Variants in CX3CR1 observed in about 807,000 individuals in gnomAD.
The protein encoded by CX3CR1 is CX3C chemokine receptor 1.
For synonymous variants in CX3CR1, 168 were observed against 178.5 expected (o/e 0.94, Z 0.47); for missense variants, 363 against 432.4 (o/e 0.84, Z 1.42).
At chr3:39,284,623 A>G (rs1559372177), upstream of CX3CR1, among the ~76,000 whole-genome samples, 1 of 152,258 alleles carries the variant, frequency 6.6e-6, no homozygotes, top group African/African-American at 2.4e-5. Context: ...AAAGACGTAC[A>G]TCAAGGACTT....
upstream of CX3CR1, chr3:39,280,395 C>T (rs2040882099): frequency 3.0e-6 from 3 of 985,524 alleles, no homozygotes; most frequent in Admixed American, 1.2e-4. Context: ...GCCCAGAGTA[C>T]TCACTGGACC....
At chr3:39,266,548 G>A in intron 1 of CX3CR1, 30 bp from the exon 2 acceptor site, 1 of 1,608,486 alleles carries the variant, frequency 6.2e-7, no homozygotes, top group Non-Finnish European at 8.5e-7. Flanking sequence ...AAGTAACTGT[G>A]TTAGTTATCA....
At chr3:39,272,754 A>G (rs2040793041) in intron 1 of CX3CR1, among the ~76,000 whole-genome samples, 1 of 152,126 alleles carries the variant, frequency 6.6e-6, no homozygotes, top group African/African-American at 2.4e-5. Flanking sequence ...GTACCAAATG[A>G]GAGTAGAGAA....
upstream of CX3CR1, chr3:39,281,689 C>T (rs1261474814): frequency 6.3e-7 from 1 of 1,598,180 alleles, no homozygotes; most frequent in Non-Finnish European, 8.5e-7. Context: ...TCCAGGGGTT[C>T]TCTCATCCTG....
At position 39,265,085 on chromosome 3, in the gene CX3CR1, G is replaced by T. The variant is rs2040676383; in HGVS notation, c.*357C>A. On this transcript the variant is annotated 3_prime_UTR_variant, in exon 2 of 2. Coordinates refer to ENST00000399220, the MANE Select transcript of CX3CR1 (RefSeq NM_001337.4). ...GGAATTCTAGCTTGGCTCAGGCCCT[G>T]GTTTCCCCTCACTTTGAGGGCTCAG... 2 of 185,110 alleles carry T rather than the reference G, an allele frequency of 1.1e-5. No homozygotes were observed. The highest frequency in any genetic ancestry group is 1.2e-4 in the Admixed American group (2 of 17,146). The allele number at this position is 185,110 out of a possible 1,614,324, so 11.5% of individuals were successfully genotyped here.
intron 1 of CX3CR1, among the ~76,000 whole-genome samples, chr3:39,279,020 C>T (rs7622254): frequency 0.038 from 5,707 of 152,062 alleles, 219 homozygotes; most frequent in African/African-American, 0.11. Context: ...ATTAGCCGGG[C>T]GGTGGTACAT....
At chr3:39,275,921 CAAAA>C (rs5848496) in intron 1 of CX3CR1, among the ~76,000 whole-genome samples, 11 of 140,674 alleles carry the variant, frequency 7.8e-5, no homozygotes, top group Middle Eastern at 3.7e-3. Flanking sequence ...GAGGATATCA[CAAAA>C]AAAAAAAAAA....
the CX3CR1 span, among the ~76,000 whole-genome samples, chr3:39,290,432 C>T: frequency 6.6e-6 from 1 of 152,340 alleles, no homozygotes; most frequent in African/African-American, 2.4e-5. Flanking sequence ...CACAGTCTGG[C>T]AGCTGACAGG....
In CX3CR1 at chr3:39,266,054, G is replaced by A. The variant is rs17038679; in HGVS notation, c.456C>T (p.Gly152=). 1.5e-3 allele frequency: 2,379 copies of A among 1,614,168 alleles called. 46 individuals are homozygous for A. The East Asian group carries it at 0.044, about 30-fold the overall frequency. ...TVQHGVTISL[G]VWAAAILVAA... The stretch of plus-strand genomic sequence containing the variant: ...CCACCAAAATGGCTGCTGCCCAGAC[G>A]CCTAGGCTGATGGTGACGCCATGCT... Residue 152 remains glycine (G), a synonymous_variant, in exon 2 of 2, where the codon GGC becomes GGT. Coordinates refer to ENST00000399220, the MANE Select transcript of CX3CR1 (RefSeq NM_001337.4).
chr3:39,290,994 C>T, the CX3CR1 span, among the ~76,000 whole-genome samples: 1 of 151,992 alleles, frequency 6.6e-6, no homozygotes, highest in Non-Finnish European at 1.5e-5. Flanking sequence ...GGTAGCTGCC[C>T]TATGCTTACT....
chr3:39,285,711 C>T (rs546009044), upstream of CX3CR1, among the ~76,000 whole-genome samples: 281 of 152,244 alleles, frequency 1.8e-3, 1 homozygote, highest in African/African-American at 6.4e-3. Flanking sequence ...TGCTCTCTCA[C>T]CAAATATGGC....
Position 39,265,670 on chromosome 3 carries a change from C to T in CX3CR1, c.840G>A (p.Thr280=), listed in dbSNP as rs777272874. 7 of 1,614,030 alleles carry T rather than the reference C, an allele frequency of 4.3e-6. No individual in the cohort carries two copies. Among genetic ancestry groups the T allele is most frequent in the Middle Eastern group, 3.3e-4 (2 of 6,084 alleles). The change falls in exon 2 of 2, where the codon ACG becomes ACA. Residue 280 remains threonine, a synonymous_variant. Coordinates refer to ENST00000399220, the MANE Select transcript of CX3CR1 (RefSeq NM_001337.4). ...TCAGGCAACAATGGCTAAATGCAAC[C>T]GTCTCAGTCACACTGAGGGCCAGCC... ...DLRLALSVTE[T]VAFSHCCLNP...
At position 39,268,598 on chromosome 3, in the gene CX3CR1, C is replaced by T. The variant is rs200572507; in HGVS notation, c.-9-2080G>A. ...CCCCCAGTGAGAAGAGCTGGCAAAG[C>T]CGACCTCGAGAGGTGGCCAAATCCA... On this transcript the variant is annotated intron_variant, in intron 1 of 1. Coordinates refer to ENST00000399220, the MANE Select transcript of CX3CR1 (RefSeq NM_001337.4). Among the ~76,000 whole-genome samples the T allele has an allele frequency of 7.9e-5, 12 of 152,198 alleles. No homozygotes were observed. The East Asian group carries it at 2.3e-3, about 29-fold the overall frequency.
At chr3:39,269,311 G>A (rs2040745303) in intron 1 of CX3CR1, among the ~76,000 whole-genome samples, 1 of 152,158 alleles carries the variant, frequency 6.6e-6, no homozygotes, top group Non-Finnish European at 1.5e-5. Flanking sequence ...CCCAAATCAG[G>A]CCCTTTGCCT....
the CX3CR1 span, among the ~76,000 whole-genome samples, chr3:39,292,502 T>C: frequency 1.3e-5 from 2 of 152,334 alleles, no homozygotes; most frequent in South Asian, 4.1e-4. Flanking sequence ...AGCAGGGTTT[T>C]TTAGGGATGA....
intron 1 of CX3CR1, among the ~76,000 whole-genome samples, chr3:39,272,645 C>T (rs1026223138): frequency 6.6e-6 from 1 of 152,186 alleles, no homozygotes; most frequent in African/African-American, 2.4e-5. Context: ...GTAGTTTTTA[C>T]CCTCCTGGTC....
chr3:39,269,129 T>C lies in CX3CR1; in HGVS notation c.-9-2611A>G, dbSNP rs56122119. 2.7e-5 allele frequency among the ~76,000 whole-genome samples: 4 copies of C among 150,764 alleles called. No individual in the cohort carries two copies. In the Admixed American group the frequency reaches 2.7e-4, roughly 10 times the overall value. ...GCTCATTGCTCTGTTTGGATTAATA[T>C]TGATCTAATCCGTTCTGCAATTCTG... On this transcript the variant is annotated intron_variant, in intron 1 of 1. Coordinates refer to ENST00000399220, the MANE Select transcript of CX3CR1 (RefSeq NM_001337.4).
chr3:39,274,865 CTT>C (rs879447205), intron 1 of CX3CR1, among the ~76,000 whole-genome samples: 3 of 145,466 alleles, frequency 2.1e-5, no homozygotes, highest in Non-Finnish European at 3.0e-5. Flanking sequence ...CTTTAGAAAA[CTT>C]TTTTTTTTTT....
chr3:39,268,080 A>C (rs559535631), intron 1 of CX3CR1, among the ~76,000 whole-genome samples: 96 of 152,158 alleles, frequency 6.3e-4, no homozygotes, highest in African/African-American at 2.3e-3. Context: ...CACCCTTTCC[A>C]TGATGGTTTT....
Sources: gnomAD v4.1 joint callset for allele counts (sites outside exome capture counted in the v4.1 genomes callset) on GRCh38, gnomAD v4.1.1 for gene constraint, MANE v1.5 for transcripts, NCBI Gene and HGNC (gene_info 2026-07-23, HGNC 2026-07-21) for gene names.